GHR: variants seen among roughly 807,000 people sequenced by gnomAD.
The protein encoded by GHR is growth hormone receptor.
A neutral mutation model predicts 67.1 loss-of-function variants in GHR; 35 were observed. The observed-to-expected ratio is 0.52, with a 90% CI of 0.40 to 0.69. GHR has a LOEUF of 0.69. GHR is among the 30% of genes least tolerant of loss of function. The pLI, the probability that GHR is intolerant of heterozygous loss-of-function variation, is 0.00. For missense variants in GHR, 792 were observed against 764.6 expected (o/e 1.04, Z -0.42); for synonymous variants, 272 against 269.1 (o/e 1.01, Z -0.10).
At chr5:42,439,179 C>T (rs1418700608) in intron 1 of GHR, among the ~76,000 whole-genome samples, 7 of 152,036 alleles carry the variant, frequency 4.6e-5, no homozygotes, top group Non-Finnish European at 8.8e-5. Context: ...GCTTAAAAAA[C>T]CCATAATTTT....
At chr5:42,688,866 T>C in intron 3 of GHR, 24 bp from the exon 4 acceptor site, 4 of 1,612,166 alleles carry the variant, frequency 2.5e-6, no homozygotes, top group Non-Finnish European at 2.5e-6. Context: ...ATTTCATGCC[T>C]TGCCTTTTCT....
intron 1 of GHR, among the ~76,000 whole-genome samples, chr5:42,451,828 C>A (rs185071629): frequency 6.6e-6 from 1 of 152,156 alleles, no homozygotes; most frequent in East Asian, 1.9e-4. Flanking sequence ...TTGACAACAG[C>A]GGATACTTGG....
intron 2 of GHR, among the ~76,000 whole-genome samples, chr5:42,613,775 A>G (rs186895911): frequency 6.6e-6 from 1 of 152,220 alleles, no homozygotes; most frequent in African/African-American, 2.4e-5. Context: ...GGTATGGGGA[A>G]TAGGGAACAA....
chr5:42,701,464 A>G (rs560513606), intron 6 of GHR, among the ~76,000 whole-genome samples: 1 of 152,328 alleles, frequency 6.6e-6, no homozygotes, highest in Non-Finnish European at 1.5e-5. Context: ...AAAAGCGCTT[A>G]AATGACTGAG....
At chr5:42,521,184 A>G (rs1747457968) in intron 1 of GHR, among the ~76,000 whole-genome samples, 4 of 152,156 alleles carry the variant, frequency 2.6e-5, no homozygotes, top group African/African-American at 7.2e-5. Context: ...CAAGAGTCCT[A>G]TTGTGCTCCT....
At chr5:42,440,077 T>C (rs1743500441) in intron 1 of GHR, among the ~76,000 whole-genome samples, 2 of 152,210 alleles carry the variant, frequency 1.3e-5, no homozygotes, top group Non-Finnish European at 2.9e-5. Context: ...ATTAATTCAT[T>C]TGTTCATTAA....
chr5:42,675,526 A>G lies in GHR; in HGVS notation c.137-13364A>G, dbSNP rs746276825. ...ATTAAATGAAATAATTTGAAAGGCA[A>G]TAAACTAACTGCACCAAGTAAATCT... On this transcript the variant is annotated intron_variant, in intron 3 of 9. Coordinates refer to ENST00000230882, the MANE Select transcript of GHR (RefSeq NM_000163.5). Among the ~76,000 whole-genome samples the G allele has an allele frequency of 1.5e-4, 23 of 152,350 alleles. No homozygotes were observed. In the South Asian group the frequency reaches 1.9e-3, roughly 12 times the overall value.
At chr5:42,457,390 A>G (rs761342522) in intron 1 of GHR, among the ~76,000 whole-genome samples, 9 of 152,240 alleles carry the variant, frequency 5.9e-5, no homozygotes, top group Non-Finnish European at 8.8e-5. Flanking sequence ...GGCATATATG[A>G]TGGCAATAAT....
rs1756020089 is a variant in GHR at position 42,667,058 on chromosome 5, TCTAA to T, written c.137-21830_137-21827del. ...TGCTCCCAGAATCTACATCAAAGAA[TCTAA>T]CACTAACTTCCATGACTACCACAAT... On this transcript the variant is annotated intron_variant, in intron 3 of 9. Transcript: ENST00000230882. Among the ~76,000 whole-genome samples, 3 of 152,210 alleles carry T rather than the reference TCTAA, an allele frequency of 2.0e-5. No individual in the cohort carries two copies. In the South Asian group the frequency reaches 6.2e-4, roughly 32 times the overall value.
intron 3 of GHR, among the ~76,000 whole-genome samples, chr5:42,651,100 T>C (rs548322058): frequency 6.6e-6 from 1 of 152,294 alleles, no homozygotes; most frequent in Admixed American, 6.5e-5. Flanking sequence ...CCAGTGATGA[T>C]TCTGGGAGAC....
At chr5:42,540,014 T>C (rs993993885) in intron 1 of GHR, among the ~76,000 whole-genome samples, 1 of 152,200 alleles carries the variant, frequency 6.6e-6, no homozygotes, top group Admixed American at 6.5e-5. Flanking sequence ...TAAGACAGTT[T>C]ATCACAAGTA....
chr5:42,579,149 GATATAGAT>G (rs1340081348), intron 2 of GHR, among the ~76,000 whole-genome samples: 13 of 55,918 alleles, frequency 2.3e-4, no homozygotes, highest in African/African-American at 5.2e-4. Context: ...ATGATAGATA[GATATAGAT>G]AGATAGATAG....
chr5:42,565,927 C>A lies in GHR; in HGVS notation c.53C>A (p.Ala18Asp). Residue 18 changes from alanine to aspartate, a missense_variant, in exon 2 of 10, where the codon GCT (alanine) becomes GAT (aspartate). Ala to Asp is a moderately radical substitution (Grantham distance 126, BLOSUM62 -2). Coordinates refer to ENST00000230882, the MANE Select transcript of GHR (RefSeq NM_000163.5). The part of the protein sequence containing the change: ...LTLALAGSSD[A>D]FSGSEATAAI... ...TTGGCACTGGCAGGATCAAGTGATG[C>A]TTTTTCTGGAAGTGAGGGTGAGTTC... 1 of 1,614,048 alleles carries A rather than the reference C, an allele frequency of 6.2e-7. No individual in the cohort carries two copies. Among genetic ancestry groups the A allele is most frequent in the East Asian group, 2.2e-5 (1 of 44,884 alleles).
At chr5:42,647,953 A>G (rs916487982) in intron 3 of GHR, among the ~76,000 whole-genome samples, 2 of 152,256 alleles carry the variant, frequency 1.3e-5, no homozygotes, top group African/African-American at 2.4e-5. Context: ...GACATTATGC[A>G]GTTGTCACAT....
chr5:42,648,452 A>C (rs899747719), intron 3 of GHR, among the ~76,000 whole-genome samples: 3 of 152,120 alleles, frequency 2.0e-5, no homozygotes, highest in Admixed American at 2.0e-4. Flanking sequence ...GTGGGTGTGT[A>C]TGTTTATGTA....
chr5:42,509,064 T>A (rs987454854), intron 1 of GHR, among the ~76,000 whole-genome samples: 1 of 152,200 alleles, frequency 6.6e-6, no homozygotes, highest in African/African-American at 2.4e-5. Context: ...ATAAACATCC[T>A]CACCTCACAC....
At chr5:42,497,233 G>T (rs1234133693) in intron 1 of GHR, among the ~76,000 whole-genome samples, 1 of 152,120 alleles carries the variant, frequency 6.6e-6, no homozygotes, top group Non-Finnish European at 1.5e-5. Context: ...TAACCTTTTT[G>T]TGAAATATGG....
Position 42,570,115 on chromosome 5 carries a change from A to G in GHR, c.70+4171A>G, listed in dbSNP as rs181637693. On this transcript the variant is annotated intron_variant, in intron 2 of 9. Transcript: ENST00000230882. ...GAGAGGATGTCAAGACATGTCAGAT[A>G]TATTTCACACAAGTATTAGAGTCAT... is the stretch of plus-strand genomic sequence containing the variant. Among the ~76,000 whole-genome samples the G allele has an allele frequency of 6.6e-5, 10 of 152,338 alleles. 1 individual carries two copies. The East Asian group carries it at 1.9e-3, about 29-fold the overall frequency.
chr5:42,679,148 T>A (rs1057438151), intron 3 of GHR, among the ~76,000 whole-genome samples: 10 of 140,152 alleles, frequency 7.1e-5, no homozygotes, highest in Non-Finnish European at 1.1e-4. Context: ...TATTATATAT[T>A]GTATATTATA....
Sources: gnomAD v4.1 joint callset for allele counts (sites outside exome capture counted in the v4.1 genomes callset) on GRCh38, gnomAD v4.1.1 for gene constraint, MANE v1.5 for transcripts, NCBI Gene and HGNC (gene_info 2026-07-23, HGNC 2026-07-21) for gene names.